The following VPS51 variants were observed in gnomAD, a reference collection of about 807,000 sequenced individuals.
VPS51 encodes vacuolar protein sorting-associated protein 51 homolog.
In VPS51, 55 loss-of-function variants were observed where a neutral mutation model predicts 65.1. The ratio of observed to expected loss-of-function variants is 0.84; its 90% CI spans 0.68 to 1.06. The LOEUF (loss-of-function observed/expected upper bound fraction) is 1.06, where lower values mean the gene tolerates loss of function less well. VPS51 is among the 50% of genes least tolerant of loss of function. VPS51 has a pLI of 0.00. For synonymous variants in VPS51, 473 were observed against 489.5 expected, an observed-to-expected ratio of 0.97 and a Z score of 0.44; for missense variants, 943 against 1,101.6, an observed-to-expected ratio of 0.86 and a Z score of 2.04.
intron 5 of VPS51, 181 bp from the exon 6 acceptor site, chr11:65,109,099 G>A: frequency 9.9e-7 from 1 of 1,007,912 alleles, no homozygotes; most frequent in Non-Finnish European, 1.5e-6. Flanking sequence ...GGGCATGGTG[G>A]GGTCCCCAGT....
chr11:65,096,620 G>A (rs774076024), intron 1 of VPS51, 142 bp downstream of exon 1: 12 of 754,912 alleles, frequency 1.6e-5, no homozygotes, highest in Non-Finnish European at 2.3e-5. Flanking sequence ...ACCTCGGCCA[G>A]GGAGTACGAG....
At position 65,107,532 on chromosome 11, in the gene VPS51, C is replaced by T. The variant is rs760737371; in HGVS notation, c.359-49C>T. ...GGTGAGAAGGAGCTGAGGTTGCGCC[C>T]GCCCTGCAGTCACCTGCTCTCCCCT... On this transcript the variant is annotated intron_variant, in intron 2 of 9. Transcript: ENST00000279281. This position sits in a 1 kb window ranked among gnomAD's most constrained non-coding sequence, Gnocchi z 4.0. 2.6e-6 allele frequency: 4 copies of T among 1,539,326 alleles called. No homozygotes were observed. In the Admixed American group the frequency reaches 5.7e-5, roughly 22 times the overall value.
In VPS51 at chr11:65,109,348, G is replaced by C. The variant is rs756193418; in HGVS notation, c.1512G>C (p.Thr504=). ...IVGFVHSMCQ[T]AQSFCDSPGE... ...GCTTCGTCCACTCTATGTGCCAGAC[G>C]GCTCAGAGCTTCTGCGACAGCCCTG... Residue 504 remains threonine, a synonymous_variant, in exon 6 of 10, where the codon ACG becomes ACC. Coordinates refer to ENST00000279281, the MANE Select transcript of VPS51 (RefSeq NM_013265.4). The C allele has an allele frequency of 6.2e-7, 1 of 1,613,546 alleles. No homozygotes were observed. Among genetic ancestry groups the C allele is most frequent in the Non-Finnish European group, 8.5e-7 (1 of 1,179,992 alleles).
intron 2 of VPS51, among the ~76,000 whole-genome samples, chr11:65,101,989 C>T (rs771879008): frequency 7.3e-5 from 11 of 150,462 alleles, no homozygotes; most frequent in Non-Finnish European, 1.6e-4. Context: ...TTCACTCTCC[C>T]TGGTTACAAA....
At position 65,096,240 on chromosome 11, in the gene VPS51, C is replaced by T; in HGVS notation, c.-11C>T. The stretch of plus-strand genomic sequence containing the variant: ...TTTCCAGCCTCACGCCCGTGGGCTG[C>T]AGTTGGAACGATGGCGGCGGCAGCT... On this transcript the variant is annotated 5_prime_UTR_variant, in exon 1 of 10. Transcript: ENST00000279281. The T allele has an allele frequency of 6.5e-7, 1 of 1,526,846 alleles. No individual in the cohort carries two copies. The allele number at this position is 1,526,846 out of a possible 1,614,324, so 94.6% of individuals were successfully genotyped here.
At chr11:65,108,073 T>C in intron 4 of VPS51, 51 bp downstream of exon 4, 1 of 1,491,996 alleles carries the variant, frequency 6.7e-7, no homozygotes, top group Non-Finnish European at 8.9e-7. Flanking sequence ...CCGAGCCCCA[T>C]CTGTGCCCGG....
rs201622389 is a variant in VPS51, at chr11:65,108,770, C to G, written c.1299C>G (p.Arg433=). 558 of 1,612,382 alleles carry G rather than the reference C, an allele frequency of 3.5e-4. No individual in the cohort carries two copies. Among genetic ancestry groups the G allele is most frequent in the Non-Finnish European group, 3.1e-4 (363 of 1,179,924 alleles). ...TDVRQALAAP[R]VAGKEGPGLA... ...TCCGCCAGGCGCTGGCAGCACCTCG[C>G]GTGGCTGGGAAGGAGGGCCCTGGCC... is the stretch of plus-strand genomic sequence containing the variant. Residue 433 remains arginine, a synonymous_variant, in exon 5 of 10, where the codon CGC becomes CGG. Coordinates refer to ENST00000279281, the MANE Select transcript of VPS51 (RefSeq NM_013265.4).
chr11:65,107,763 T>A lies in VPS51; in HGVS notation c.505+36T>A, dbSNP rs773176744. On this transcript the variant is annotated intron_variant, in intron 3 of 9. Coordinates refer to ENST00000279281, the MANE Select transcript of VPS51 (RefSeq NM_013265.4). This position sits in a 1 kb window ranked among gnomAD's most constrained non-coding sequence, Gnocchi z 4.0. ...CCGGGCAGGGCCTGCAGTGGGCCTT[T>A]CCTGGGGCTCTGGGGCTAACGTCAC... is the stretch of plus-strand genomic sequence containing the variant. The A allele has an allele frequency of 3.1e-6, 5 of 1,604,574 alleles. No individual in the cohort carries two copies. The East Asian group carries it at 9.0e-5, about 29-fold the overall frequency.
In VPS51 at chr11:65,111,830, G is replaced by C; in HGVS notation, c.*243G>C. On this transcript the variant is annotated 3_prime_UTR_variant, in exon 10 of 10. Transcript: ENST00000279281. ...GGTGTGCTGGGCCCAGCATGGGCAG[G>C]GGGCGGTTCCACTTAAAAACCCTGG... is the stretch of plus-strand genomic sequence containing the variant. The C allele has an allele frequency of 1.1e-6, 1 of 928,910 alleles. No individual in the cohort carries two copies. 57.5% of individuals were successfully genotyped at this position (928,910 alleles called of 1,614,324 possible). A position where few individuals can be genotyped will look rare whatever the true frequency, so the allele number is the denominator to read the frequency against.
chr11:65,111,681 C>T lies in VPS51; in HGVS notation c.*94C>T. The T allele has an allele frequency of 1.4e-6, 2 of 1,460,566 alleles. No individual in the cohort carries two copies. Among genetic ancestry groups the T allele is most frequent in the Non-Finnish European group, 1.8e-6 (2 of 1,106,484 alleles). The allele number at this position is 1,460,566 out of a possible 1,614,324, so 90.5% of individuals were successfully genotyped here. A position where few individuals can be genotyped will look rare whatever the true frequency, so the allele number is the denominator to read the frequency against. ...CTTCCCCGCAGGCAGGTGTCAGGAC[C>T]GGCCTAATAAACATGTGTGGCCTCC... On this transcript the variant is annotated 3_prime_UTR_variant, in exon 10 of 10. Transcript: ENST00000279281.
At chr11:65,099,688 TG>T (rs1565309440) in intron 2 of VPS51, among the ~76,000 whole-genome samples, 1 of 151,684 alleles carries the variant, frequency 6.6e-6, no homozygotes, top group Non-Finnish European at 1.5e-5. Context: ...CCCAGCTACT[TG>T]GGGAGGCTAA....
In VPS51 at chr11:65,109,451, A is replaced by G. The variant is rs199595884; in HGVS notation, c.1615A>G (p.Ile539Val). The G allele has an allele frequency of 2.5e-6, 4 of 1,608,414 alleles. No individual in the cohort carries two copies. The East Asian group carries it at 6.7e-5, about 27-fold the overall frequency. ...CTGCCTGGACTACGAGACGGCCACC[A>G]TCTCCTACATCCTCACTCTCACTGA... ...RLCLDYETAT[I>V]SYILTLTDEQ... The change falls in exon 6 of 10, where the codon ATC becomes GTC. Residue 539 changes from isoleucine to valine, a missense_variant. Coordinates refer to ENST00000279281, the MANE Select transcript of VPS51 (RefSeq NM_013265.4).
chr11:65,111,391 G>T lies in VPS51; in HGVS notation c.2153G>T (p.Arg718Leu). The part of the protein sequence containing the change: ...LKTLLECVRL[R>L]TFGRFGLQQV... ...ACGCTGCTGGAGTGTGTGCGGCTGC[G>T]CACCTTTGGGCGCTTCGGGCTGCAG... is the stretch of plus-strand genomic sequence containing the variant. The change falls in exon 10 of 10, where the codon CGC becomes CTC. Residue 718 changes from arginine (R) to leucine (L), a missense_variant. Physicochemically the swap from Arg to Leu is moderately radical, Grantham distance 102. Around this residue, in one of 2 missense-constraint regions of VPS51, gnomAD observed 88 missense variants for 147.8 expected, o/e 0.60. Coordinates refer to ENST00000279281, the MANE Select transcript of VPS51 (RefSeq NM_013265.4). The T allele has an allele frequency of 6.2e-7, 1 of 1,612,606 alleles. No individual in the cohort carries two copies. Among genetic ancestry groups the T allele is most frequent in the South Asian group, 1.1e-5 (1 of 91,090 alleles).
chr11:65,098,908 G>T (rs989106911), intron 2 of VPS51, among the ~76,000 whole-genome samples: 4 of 152,210 alleles, frequency 2.6e-5, no homozygotes, highest in African/African-American at 9.6e-5. Context: ...TAAGTGAGGG[G>T]CCGGGCATGG....
In VPS51 at chr11:65,109,295, C is replaced by T. The variant is rs1947870593; in HGVS notation, c.1459C>T (p.Gln487Ter). The part of the protein sequence containing the change: ...KPYFRGEFCS[Q>*]GVREGLIVGF... ...TCTCTTGCAGGGTGAGTTCTGCAGT[C>T]AGGGTGTCCGTGAGGGCCTCATCGT... The change falls in exon 6 of 10, where the codon CAG becomes TAG. Residue 487 changes from glutamine (Q) to a stop codon, truncating the protein, a stop_gained. Transcript: ENST00000279281. LOFTEE classifies it high-confidence loss of function. 1 of 1,612,004 alleles carries T rather than the reference C, an allele frequency of 6.2e-7. No individual in the cohort carries two copies. The highest frequency in any genetic ancestry group is 1.1e-5 in the South Asian group (1 of 91,030).
rs1565313932 is a variant in VPS51, at chr11:65,107,669, C to A, written c.447C>A (p.Phe149Leu). 1.9e-6 allele frequency: 3 copies of A among 1,610,274 alleles called. No individual in the cohort carries two copies. ...LATNMAVITD[F>L]SARISATLQD... ...CCAACATGGCAGTGATCACCGACTT[C>A]AGCGCTCGCATCAGCGCCACGCTGC... The change falls in exon 3 of 10, where the codon TTC (phenylalanine) becomes TTA (leucine). Residue 149 changes from phenylalanine (F) to leucine (L), a missense_variant. Coordinates refer to ENST00000279281, the MANE Select transcript of VPS51 (RefSeq NM_013265.4). This position sits in a 1 kb window ranked among gnomAD's most constrained non-coding sequence, Gnocchi z 4.0.
At position 65,097,025 on chromosome 11, in the gene VPS51, T is replaced by C. The variant is rs775334144; in HGVS notation, c.256T>C (p.Leu86=). The part of the protein sequence containing the change: ...KLRRECPLAQ[L]MDSETDMVRQ... ...GCGTAGAGAGTGCCCTCTGGCCCAG[T>C]TGATGGACAGTGAGACGGACATGGT... The change falls in exon 2 of 10, where the codon TTG becomes CTG. Residue 86 remains leucine, a synonymous_variant. Coordinates refer to ENST00000279281, the MANE Select transcript of VPS51 (RefSeq NM_013265.4). 21 of 1,613,862 alleles carry C rather than the reference T, an allele frequency of 1.3e-5. No individual in the cohort carries two copies. The highest frequency in any genetic ancestry group is 8.8e-5 in the South Asian group (8 of 91,068).
At chr11:65,098,386 C>CT (rs1565308755) in intron 2 of VPS51, among the ~76,000 whole-genome samples, 3 of 151,478 alleles carry the variant, frequency 2.0e-5, no homozygotes, top group African/African-American at 7.3e-5. Context: ...CATGTCGAGG[C>CT]TTTTTTTTTC....
In VPS51 at chr11:65,107,395, A is replaced by T; in HGVS notation, c.359-186A>T. 1 of 659,804 alleles carries T rather than the reference A, an allele frequency of 1.5e-6. No individual in the cohort carries two copies. Among genetic ancestry groups the T allele is most frequent in the Non-Finnish European group, 2.6e-6 (1 of 388,348 alleles). 40.9% of individuals were successfully genotyped at this position (659,804 alleles called of 1,614,324 possible). ...TATGTGAGTAACGCCTGCTTTGGGA[A>T]CATAAACCCCCTCCCCCGCCCCCAT... On this transcript the variant is annotated intron_variant, in intron 2 of 9. Coordinates refer to ENST00000279281, the MANE Select transcript of VPS51 (RefSeq NM_013265.4). This position sits in a 1 kb window ranked among gnomAD's most constrained non-coding sequence, Gnocchi z 4.0.
Sources: gnomAD v4.1 joint callset for allele counts (sites outside exome capture counted in the v4.1 genomes callset) on GRCh38, gnomAD v4.1.1 for gene constraint, gnomAD v4.1.1 regional missense constraint, Gnocchi (gnomAD v3.1) non-coding constraint, MANE v1.5 for transcripts, NCBI Gene and HGNC (gene_info 2026-07-23, HGNC 2026-07-21) for gene names.